P2RX5: variants seen among roughly 807,000 people sequenced by gnomAD.
P2RX5 encodes the protein purinergic receptor P2X 5, also known as P2X purinoceptor 5.
Under a neutral mutation model 54.1 loss-of-function variants are expected in P2RX5, and 46 were observed. The ratio of observed to expected loss-of-function variants is 0.85; its 90% CI spans 0.67 to 1.09. The LOEUF is 1.09. Ranked by LOEUF, P2RX5 falls within the 50% of genes least tolerant of loss-of-function variation. The probability of loss-of-function intolerance (pLI) is 0.00; values close to 1 mark genes in which losing one functional copy is unlikely to be tolerated. For synonymous variants in P2RX5, 226 were observed against 226.4 expected (o/e 1.00, Z 0.02); for missense variants, 566 against 549.8 (o/e 1.03, Z -0.29).
chr17:3,682,369 T>C (rs1295241840), intron 9 of P2RX5: 3 of 348,666 alleles, frequency 8.6e-6, no homozygotes, highest in African/African-American at 6.4e-5. Context: ...GGCGTGTCGA[T>C]GACGACCCAC....
At position 3,679,497 on chromosome 17, in the gene P2RX5, G is replaced by T; in HGVS notation, c.1259+93C>A. 3.5e-6 allele frequency: 4 copies of T among 1,131,610 alleles called. No homozygotes were observed. The Admixed American group carries it at 5.6e-5, about 16-fold the overall frequency. The allele number at this position is 1,131,610 out of a possible 1,614,324, so 70.1% of individuals were successfully genotyped here. A position where few individuals can be genotyped will look rare whatever the true frequency, so the allele number is the denominator to read the frequency against. ...GGCCAGCTCACACCAGAGCAGAGGG[G>T]TCCGCTGGAGCTGCCAGGCATGAGA... On this transcript the variant is annotated intron_variant, in intron 11 of 11. Coordinates refer to ENST00000225328, the MANE Select transcript of P2RX5 (RefSeq NM_002561.4).
In P2RX5 at chr17:3,695,963, C is replaced by A. The variant is rs1278095400; in HGVS notation, c.43G>T (p.Asp15Tyr). Residue 15 changes from aspartate to tyrosine, a missense_variant, in exon 1 of 12, where the codon GAC (aspartate) becomes TAC (tyrosine). Coordinates refer to ENST00000225328, the MANE Select transcript of P2RX5 (RefSeq NM_002561.4). Reference sequence around the variant, plus strand: ...ATGACATACTTCTCGGTCTTGTAGTCGAACAGCGACAGGCAGAGCCCCTTG... The same window carrying A: ...ATGACATACTTCTCGGTCTTGTAGTAGAACAGCGACAGGCAGAGCCCCTTG... ...GCKGLCLSLFDYKTEKYVIAK... is the reference protein window; with the variant it reads ...GCKGLCLSLFYYKTEKYVIAK... 1.2e-6 allele frequency: 2 copies of A among 1,613,980 alleles called. No individual in the cohort carries two copies. Among genetic ancestry groups the A allele is most frequent in the Non-Finnish European group, 1.7e-6 (2 of 1,179,982 alleles).
At chr17:3,689,364 C>T (rs1007006647) in intron 7 of P2RX5, 128 bp downstream of exon 7, 2 of 732,944 alleles carry the variant, frequency 2.7e-6, no homozygotes, top group African/African-American at 3.5e-5. Flanking sequence ...ACACTGAGTC[C>T]CTGGGGGCAG....
At chr17:3,674,731 T>C (rs572505846) in intron 11 of P2RX5, among the ~76,000 whole-genome samples, 1 of 152,358 alleles carries the variant, frequency 6.6e-6, no homozygotes, top group South Asian at 2.1e-4. Context: ...TGTGCTTCTC[T>C]TACCTGGAAT....
At chr17:3,701,750 T>G in the P2RX5 span, among the ~76,000 whole-genome samples, 30 of 127,514 alleles carry the variant, frequency 2.4e-4, no homozygotes, top group Middle Eastern at 0.013. Flanking sequence ...TTCTCTGTTT[T>G]TTTTTTTTTT....
At chr17:3,690,567 G>A (rs755946768) in intron 4 of P2RX5, 38 bp downstream of exon 4, 8 of 1,611,832 alleles carry the variant, frequency 5.0e-6, no homozygotes, top group Admixed American at 1.7e-5. Context: ...CTCCCACTCC[G>A]AGTCCTCCTT....
In P2RX5 at chr17:3,682,103, T is replaced by G. The variant is rs553656206; in HGVS notation, c.982-125A>C. ...GGCATCACTGTCCCCATTTAACAGA[T>G]GAGGAAACTGGGCTCAGCAAGGGGC... On this transcript the variant is annotated intron_variant, in intron 9 of 11. Transcript: ENST00000225328. The G allele has an allele frequency of 1.8e-5, 13 of 719,668 alleles. No homozygotes were observed. The East Asian group carries it at 2.7e-4, about 15-fold the overall frequency. The allele number at this position is 719,668 out of a possible 1,614,324, so 44.6% of individuals were successfully genotyped here.
intron 5 of P2RX5, 46 bp downstream of exon 5, chr17:3,690,381 A>G (rs746777880): frequency 6.9e-7 from 1 of 1,452,564 alleles, no homozygotes; most frequent in African/African-American, 1.4e-5. Context: ...GACCCACCGC[A>G]CGGGGCTGGG....
the P2RX5 span, among the ~76,000 whole-genome samples, chr17:3,721,260 CTTTTTTTTTTTTTTTTT>C: frequency 2.2e-5 from 1 of 46,200 alleles, no homozygotes; most frequent in African/African-American, 1.2e-4. Context: ...GAGATTTTTC[CTTTTTTTTTTTTTTTTT>C]TTTTTTTTTT....
intron 11 of P2RX5, among the ~76,000 whole-genome samples, chr17:3,674,880 T>A (rs2050066463): frequency 6.6e-6 from 1 of 152,086 alleles, no homozygotes; most frequent in Non-Finnish European, 1.5e-5. Context: ...GGTGTGATCA[T>A]TTGGTAAGGG....
upstream of P2RX5, among the ~76,000 whole-genome samples, chr17:3,699,084 C>CAT (rs2050798437): frequency 8.0e-6 from 1 of 125,630 alleles, no homozygotes; most frequent in Admixed American, 9.1e-5. Flanking sequence ...CACACACACA[C>CAT]ACACACACAC....
the P2RX5 span, chr17:3,717,929 C>T: frequency 6.6e-6 from 1 of 152,190 alleles, no homozygotes; most frequent in African/African-American, 2.4e-5. Flanking sequence ...AAGGAAGTCC[C>T]AAGGTGACTC....
the P2RX5 span, among the ~76,000 whole-genome samples, chr17:3,701,241 T>G: frequency 3.9e-5 from 6 of 152,086 alleles, no homozygotes; most frequent in East Asian, 1.9e-4. Context: ...CAATTTTTTG[T>G]TTTTTTTAGC....
intron 11 of P2RX5, among the ~76,000 whole-genome samples, chr17:3,679,061 G>A (rs541819962): frequency 6.6e-6 from 1 of 152,164 alleles, no homozygotes; most frequent in Admixed American, 6.5e-5. Flanking sequence ...GAGGGGCTGA[G>A]GGGGGGTCAT....
chr17:3,683,375 G>A (rs754729132), intron 9 of P2RX5, among the ~76,000 whole-genome samples: 3 of 152,168 alleles, frequency 2.0e-5, no homozygotes, highest in African/African-American at 4.8e-5. Context: ...CTCTTCCTGC[G>A]CCATTACTTC....
At chr17:3,681,253 TG>T (rs1476196001) in intron 10 of P2RX5, among the ~76,000 whole-genome samples, 1 of 152,194 alleles carries the variant, frequency 6.6e-6, no homozygotes, top group Non-Finnish European at 1.5e-5. Context: ...TGTCCCAGGC[TG>T]TGGGGGTGCT....
At chr17:3,719,663 T>C in the P2RX5 span, among the ~76,000 whole-genome samples, 1 of 152,230 alleles carries the variant, frequency 6.6e-6, no homozygotes, top group African/African-American at 2.4e-5. Context: ...TAAACACTGA[T>C]ACAGCACACT....
chr17:3,679,516 C>T lies in P2RX5; in HGVS notation c.1259+74G>A, dbSNP rs1025119289. 6.5e-6 allele frequency: 9 copies of T among 1,381,174 alleles called. No homozygotes were observed. The African/African-American group carries it at 9.9e-5, about 15-fold the overall frequency. The allele number at this position is 1,381,174 out of a possible 1,614,324, so 85.6% of individuals were successfully genotyped here. A position where few individuals can be genotyped will look rare whatever the true frequency, so the allele number is the denominator to read the frequency against. On this transcript the variant is annotated intron_variant, in intron 11 of 11. Coordinates refer to ENST00000225328, the MANE Select transcript of P2RX5 (RefSeq NM_002561.4). ...AGAGGGGTCCGCTGGAGCTGCCAGG[C>T]ATGAGAAGCCCCAACTGGGGACCCC... is the stretch of plus-strand genomic sequence containing the variant.
upstream of P2RX5, among the ~76,000 whole-genome samples, chr17:3,699,421 C>T (rs567821885): frequency 2.0e-5 from 3 of 151,878 alleles, no homozygotes; most frequent in East Asian, 1.9e-4. Context: ...TGGGATGGTG[C>T]ACACCTGTAG....
Sources: gnomAD v4.1 joint callset for allele counts (sites outside exome capture counted in the v4.1 genomes callset) on GRCh38, gnomAD v4.1.1 for gene constraint, MANE v1.5 for transcripts, NCBI Gene and HGNC (gene_info 2026-07-23, HGNC 2026-07-21) for gene names.